The following FGF7 variants were observed in gnomAD, a reference collection of about 807,000 sequenced individuals.
The protein encoded by FGF7 is fibroblast growth factor 7, also known as FGF-7.
A neutral mutation model predicts 20.5 loss-of-function variants in FGF7; 6 were observed. The observed-to-expected ratio is 0.29, with a 90% CI of 0.16 to 0.58. The LOEUF is 0.58. FGF7 is among the 20% of genes least tolerant of loss of function. The probability of loss-of-function intolerance (pLI) is 0.90; values close to 1 mark genes in which losing one functional copy is unlikely to be tolerated. For missense variants in FGF7, 144 were observed against 228.8 expected (o/e 0.63, Z 2.39); for synonymous variants, 64 against 74.7 (o/e 0.86, Z 0.74).
intron 2 of FGF7, among the ~76,000 whole-genome samples, chr15:49,477,583 T>C (rs1374242550): frequency 2.0e-5 from 3 of 152,210 alleles, no homozygotes; most frequent in Non-Finnish European, 4.4e-5. Context: ...CATTTACCTA[T>C]TGGATATGTG....
chr15:49,486,966 T>C lies in FGF7; in HGVS notation c.*2462T>C, dbSNP rs1201790937. 3.3e-5 allele frequency: 5 copies of C among 151,968 alleles called. No individual in the cohort carries two copies. The highest frequency in any genetic ancestry group is 2.6e-4 in the Admixed American group (4 of 15,210). The allele number at this position is 151,968 out of a possible 1,614,324, so 9.4% of individuals were successfully genotyped here. A position where few individuals can be genotyped will look rare whatever the true frequency, so the allele number is the denominator to read the frequency against. ...CTAAGGTCACGCAGCTGGGTAGATA[T>C]ACAGCTGTCACAAGAGTCTAGATCA... On this transcript the variant is annotated 3_prime_UTR_variant, in exon 4 of 4. Coordinates refer to ENST00000267843, the MANE Select transcript of FGF7 (RefSeq NM_002009.4).
At chr15:49,471,193 G>A (rs1482089540) in intron 2 of FGF7, among the ~76,000 whole-genome samples, 2 of 152,036 alleles carry the variant, frequency 1.3e-5, no homozygotes, top group African/African-American at 4.8e-5. Flanking sequence ...TTAAGAATAT[G>A]GCAAATGTGA....
intron 2 of FGF7, among the ~76,000 whole-genome samples, chr15:49,458,468 G>T (rs968865108): frequency 1.3e-5 from 2 of 152,102 alleles, no homozygotes; most frequent in African/African-American, 2.4e-5. Context: ...TTTCATCCAA[G>T]ATTTTCCTGT....
rs371346513 is a variant in FGF7, at chr15:49,469,702, A to G, written c.287-13449A>G. On this transcript the variant is annotated intron_variant, in intron 2 of 3. Coordinates refer to ENST00000267843, the MANE Select transcript of FGF7 (RefSeq NM_002009.4). ...ACTTCATTTGCAAGAACTAATTAGCAGTTGTCAGAGAATGAAATAATCTTC... is the reference window on the plus strand; with the variant it reads ...ACTTCATTTGCAAGAACTAATTAGCGGTTGTCAGAGAATGAAATAATCTTC... Among the ~76,000 whole-genome samples the G allele has an allele frequency of 1.1e-4, 17 of 152,282 alleles. No homozygotes were observed. The East Asian group carries it at 1.2e-3, about 10-fold the overall frequency.
At chr15:49,477,288 C>T (rs930554809) in intron 2 of FGF7, among the ~76,000 whole-genome samples, 15 of 152,138 alleles carry the variant, frequency 9.9e-5, no homozygotes, top group African/African-American at 3.4e-4. Flanking sequence ...CAGTATTACG[C>T]AGAATAGTTT....
chr15:49,441,184 T>G (rs1403263483), intron 2 of FGF7, among the ~76,000 whole-genome samples: 1 of 151,738 alleles, frequency 6.6e-6, no homozygotes, highest in Non-Finnish European at 1.5e-5. Flanking sequence ...TGGAAGAGAC[T>G]GCAGAAGGAG....
chr15:49,483,929 G>A (rs2056175616), intron 3 of FGF7, among the ~76,000 whole-genome samples: 1 of 152,026 alleles, frequency 6.6e-6, no homozygotes, highest in African/African-American at 2.4e-5. Context: ...TCACCTGAGG[G>A]AGGCAGAGGT....
chr15:49,452,660 A>G (rs1232568346), intron 2 of FGF7, among the ~76,000 whole-genome samples: 1 of 152,170 alleles, frequency 6.6e-6, no homozygotes, highest in East Asian at 1.9e-4. Context: ...CAAATCTGAG[A>G]TTTGAGAGAA....
rs35283556 is a variant in FGF7 at position 49,480,474 on chromosome 15, A to ATTT, written c.287-2657_287-2655dup. 8.5e-3 allele frequency among the ~76,000 whole-genome samples: 862 copies of ATTT among 100,874 alleles called. 33 individuals are homozygous for ATTT. The highest frequency in any genetic ancestry group is 0.032 in the African/African-American group (777 of 24,600). The allele number at this position is 100,874 out of a possible 152,430, so 66.2% of individuals were successfully genotyped here. A position where few individuals can be genotyped will look rare whatever the true frequency, so the allele number is the denominator to read the frequency against. On this transcript the variant is annotated intron_variant, in intron 2 of 3. Coordinates refer to ENST00000267843, the MANE Select transcript of FGF7 (RefSeq NM_002009.4). ...AGGAATGCACCACCATGCCCAACTA[A>ATTT]TTTTTTTTTTTTTTTTTTTTTTGGT...
chr15:49,443,577 A>T (rs2051884930), intron 2 of FGF7, among the ~76,000 whole-genome samples: 1 of 151,754 alleles, frequency 6.6e-6, no homozygotes, highest in Non-Finnish European at 1.5e-5. Context: ...ATAGAACAAA[A>T]ATGAGAAAAT....
chr15:49,481,362 T>G (rs1179148246), intron 2 of FGF7, among the ~76,000 whole-genome samples: 1 of 152,230 alleles, frequency 6.6e-6, no homozygotes, highest in Non-Finnish European at 1.5e-5. Context: ...TAGTACAAAT[T>G]TAACCTAATA....
intron 2 of FGF7, among the ~76,000 whole-genome samples, chr15:49,480,273 A>G (rs1181014473): frequency 6.6e-6 from 1 of 152,058 alleles, no homozygotes; most frequent in African/African-American, 2.4e-5. Context: ...ATGTGGAGGG[A>G]TAAGATTAAA....
At chr15:49,464,762 T>C (rs1316060415) in intron 2 of FGF7, among the ~76,000 whole-genome samples, 1 of 152,126 alleles carries the variant, frequency 6.6e-6, no homozygotes, top group Non-Finnish European at 1.5e-5. Flanking sequence ...ACAGAACACA[T>C]AGTATCTCCG....
chr15:49,463,872 G>A (rs192048092), intron 2 of FGF7, among the ~76,000 whole-genome samples: 3 of 152,228 alleles, frequency 2.0e-5, no homozygotes, highest in African/African-American at 4.8e-5. Flanking sequence ...CAGAAATATC[G>A]TTTTTTAGAC....
intron 2 of FGF7, among the ~76,000 whole-genome samples, chr15:49,435,303 G>C (rs1390364997): frequency 6.6e-6 from 1 of 151,408 alleles, no homozygotes; most frequent in Non-Finnish European, 1.5e-5. Flanking sequence ...AAATAATTTT[G>C]AGTCATATGT....
intron 2 of FGF7, among the ~76,000 whole-genome samples, chr15:49,442,955 A>G (rs1320556607): frequency 1.3e-5 from 2 of 151,784 alleles, no homozygotes; most frequent in South Asian, 2.1e-4. Flanking sequence ...AATCATGTGA[A>G]GGCAGAAATA....
At chr15:49,431,273 G>T (rs1428670763) in intron 2 of FGF7, among the ~76,000 whole-genome samples, 5 of 151,752 alleles carry the variant, frequency 3.3e-5, no homozygotes, top group African/African-American at 7.3e-5. Flanking sequence ...TTGTGTTAAA[G>T]AGTCCCTGAA....
chr15:49,479,581 T>C (rs1238224048), intron 2 of FGF7, among the ~76,000 whole-genome samples: 1 of 151,342 alleles, frequency 6.6e-6, no homozygotes, highest in Non-Finnish European at 1.5e-5. Flanking sequence ...AGGGTAGGAT[T>C]TCATAGTTAA....
At chr15:49,440,114 C>T (rs370720840) in intron 2 of FGF7, among the ~76,000 whole-genome samples, 15 of 151,772 alleles carry the variant, frequency 9.9e-5, no homozygotes, top group African/African-American at 3.1e-4. Flanking sequence ...AATGACATCA[C>T]GAATTAGTGG....
Sources: gnomAD v4.1 joint callset for allele counts (sites outside exome capture counted in the v4.1 genomes callset) on GRCh38, gnomAD v4.1.1 for gene constraint, MANE v1.5 for transcripts, NCBI Gene and HGNC (gene_info 2026-07-23, HGNC 2026-07-21) for gene names.